The following TENM4 variants were observed in gnomAD, a reference collection of about 807,000 sequenced individuals.
TENM4 encodes teneurin transmembrane protein 4.
Under a neutral mutation model 243.3 loss-of-function variants are expected in TENM4, and 82 were observed. The observed-to-expected ratio is 0.34, with a 90% CI of 0.28 to 0.40. TENM4 has a LOEUF of 0.40. TENM4 is among the 10% of genes least tolerant of loss of function. The pLI is 1.00. For synonymous variants in TENM4, 1,412 were observed against 1,456.3 expected (o/e 0.97, Z 0.69); for missense variants, 3,138 against 3,673.3 (o/e 0.85, Z 3.77).
At chr11:78,934,059 A>C (rs1262447493) in intron 6 of TENM4, among the ~76,000 whole-genome samples, 1 of 152,200 alleles carries the variant, frequency 6.6e-6, no homozygotes, top group Non-Finnish European at 1.5e-5. Flanking sequence ...GGCAGTACTC[A>C]GGGCAGTATT....
At chr11:78,685,147 A>G (rs1858635285) in intron 29 of TENM4, among the ~76,000 whole-genome samples, 2 of 152,204 alleles carry the variant, frequency 1.3e-5, no homozygotes, top group Non-Finnish European at 2.9e-5. Flanking sequence ...ACAGTGAAAA[A>G]GCCTGTGTCA....
At chr11:78,864,987 A>C (rs981364018) in intron 9 of TENM4, among the ~76,000 whole-genome samples, 1 of 152,220 alleles carries the variant, frequency 6.6e-6, no homozygotes, top group Non-Finnish European at 1.5e-5. Context: ...CAGAGAGATG[A>C]AGGCCCATAG....
intron 12 of TENM4, among the ~76,000 whole-genome samples, chr11:78,815,456 C>G (rs1409426500): frequency 6.6e-6 from 1 of 152,176 alleles, no homozygotes; most frequent in Non-Finnish European, 1.5e-5. Context: ...CTCTGTCATG[C>G]CCCCCTTTTG....
intron 28 of TENM4, among the ~76,000 whole-genome samples, chr11:78,698,559 T>G (rs17753788): frequency 0.014 from 2,196 of 152,192 alleles, 32 homozygotes; most frequent in East Asian, 0.036. Context: ...AAGCTAAAGG[T>G]AGAAAATTCA....
At chr11:79,122,214 T>C (rs1229447159) in intron 4 of TENM4, among the ~76,000 whole-genome samples, 1 of 151,954 alleles carries the variant, frequency 6.6e-6, no homozygotes, top group Admixed American at 6.6e-5. Flanking sequence ...TGTTAATTAA[T>C]AAAAATAATG....
chr11:78,796,018 A>G (rs1857153535), intron 15 of TENM4, among the ~76,000 whole-genome samples: 1 of 152,018 alleles, frequency 6.6e-6, no homozygotes, highest in African/African-American at 2.4e-5. Flanking sequence ...ACGGATCGAG[A>G]TGGCGGAAAG....
chr11:78,983,741 G>A (rs973634457), intron 6 of TENM4, among the ~76,000 whole-genome samples: 2 of 151,630 alleles, frequency 1.3e-5, no homozygotes, highest in Non-Finnish European at 2.9e-5. Flanking sequence ...CTCCTCTAGA[G>A]GCCTTTGAGG....
chr11:78,906,769 C>T (rs1462845625), intron 6 of TENM4, among the ~76,000 whole-genome samples: 2 of 152,174 alleles, frequency 1.3e-5, no homozygotes, highest in Admixed American at 6.5e-5. Flanking sequence ...CAAGAGCATG[C>T]ATACTGATGT....
At chr11:79,294,685 C>T (rs1428298514) in intron 2 of TENM4, among the ~76,000 whole-genome samples, 2 of 152,052 alleles carry the variant, frequency 1.3e-5, no homozygotes, top group African/African-American at 4.8e-5. Flanking sequence ...CCTGTCTCTA[C>T]TAAAAATACA....
At position 78,823,447 on chromosome 11, in the gene TENM4, A is replaced by G. The variant is rs559497221; in HGVS notation, c.1682-9052T>C. Among the ~76,000 whole-genome samples the G allele has an allele frequency of 5.3e-5, 8 of 152,302 alleles. No homozygotes were observed. In the South Asian group the frequency reaches 1.7e-3, roughly 32 times the overall value. Reference sequence around the variant, plus strand: ...TAAGAGCCCGTTCTCTAGTATTTGAACTAAAATGTACCCAGGGAACTTAGC... The same window carrying G: ...TAAGAGCCCGTTCTCTAGTATTTGAGCTAAAATGTACCCAGGGAACTTAGC... On this transcript the variant is annotated intron_variant, in intron 12 of 33. Transcript: ENST00000278550.
Position 78,780,996 on chromosome 11 carries a change from A to C in TENM4, c.2366-2368T>G, listed in dbSNP as rs147186262. 6.8e-3 allele frequency among the ~76,000 whole-genome samples: 1,043 copies of C among 152,324 alleles called. 8 individuals carry two copies. The highest frequency in any genetic ancestry group is 0.024 in the African/African-American group (998 of 41,562). ...CACACTGTGAATCCAAAAGCTGGTA[A>C]CAGCCAGTTAATACCAAGTCCATGA... is the stretch of plus-strand genomic sequence containing the variant. On this transcript the variant is annotated intron_variant, in intron 16 of 33. Transcript: ENST00000278550.
intron 27 of TENM4, among the ~76,000 whole-genome samples, chr11:78,704,442 A>G (rs968270760): frequency 1.3e-5 from 2 of 152,138 alleles, no homozygotes; most frequent in Non-Finnish European, 2.9e-5. Flanking sequence ...GAACCAACTC[A>G]AATGCCCAAC....
At chr11:79,339,907 T>A (rs1590891636) in intron 1 of TENM4, among the ~76,000 whole-genome samples, 1 of 151,868 alleles carries the variant, frequency 6.6e-6, no homozygotes, top group African/African-American at 2.4e-5. Flanking sequence ...GTGCAGGATG[T>A]GGGGTAGGCA....
intron 5 of TENM4, among the ~76,000 whole-genome samples, chr11:79,065,314 G>C (rs994546020): frequency 4.6e-5 from 7 of 152,196 alleles, no homozygotes; most frequent in Non-Finnish European, 1.0e-4. Flanking sequence ...TCCTTCCAGA[G>C]TCCTTGGGCC....
intron 30 of TENM4, among the ~76,000 whole-genome samples, chr11:78,673,327 C>T (rs766514137): frequency 3.0e-4 from 46 of 152,184 alleles, no homozygotes; most frequent in Non-Finnish European, 4.7e-4. Context: ...TACTGGTTTC[C>T]GCTAATTGGT....
intron 6 of TENM4, among the ~76,000 whole-genome samples, chr11:78,925,293 A>T (rs867258117): frequency 6.6e-6 from 1 of 151,172 alleles, no homozygotes. Flanking sequence ...TCAGCATTTT[A>T]GCTATTTTTA....
At chr11:79,349,774 A>T (rs1452207407) in intron 1 of TENM4, among the ~76,000 whole-genome samples, 1 of 152,210 alleles carries the variant, frequency 6.6e-6, no homozygotes, top group African/African-American at 2.4e-5. Context: ...CAATCCAGGC[A>T]GAGATTATTA....
At chr11:78,692,926 C>A (rs762445368) in intron 28 of TENM4, among the ~76,000 whole-genome samples, 1 of 152,106 alleles carries the variant, frequency 6.6e-6, no homozygotes, top group Non-Finnish European at 1.5e-5. Context: ...ACAGATAAGT[C>A]CCCCCAACCT....
Position 78,771,024 on chromosome 11 carries a change from G to T in TENM4, c.2507C>A (p.Thr836Asn). 1 of 1,584,942 alleles carries T rather than the reference G, an allele frequency of 6.3e-7. No individual in the cohort carries two copies. Residue 836 changes from threonine (T) to asparagine (N), a missense_variant, in exon 18 of 34, where the codon ACT becomes AAT. Thr to Asn is a moderately conservative substitution (Grantham distance 65, BLOSUM62 0). Around this residue, in one of 2 missense-constraint regions of TENM4, gnomAD observed 2,467 missense variants for 3,059.1 expected, o/e 0.81. Transcript: ENST00000278550. ...ATTGTCTTTGCTGTCACCGCAGGCA[G>T]TCTCCATGGAAGTGTCACAGCCAGC... Reference protein sequence around the residue: ...RGAGCDTSMETACGDSKDNDG... With the variant: ...RGAGCDTSMENACGDSKDNDG...
Sources: allele counts gnomAD v4.1 joint callset (sites outside exome capture counted in the v4.1 genomes callset), GRCh38; gene constraint gnomAD v4.1.1; regional missense constraint gnomAD v4.1.1; transcripts MANE v1.5; gene names NCBI Gene and HGNC (gene_info 2026-07-23, HGNC 2026-07-21).